Variants in C2orf68 observed in about 807,000 individuals in gnomAD.
C2orf68 encodes UPF0561 protein C2orf68.
In C2orf68, 15 loss-of-function variants were observed where a neutral mutation model predicts 19.1. The observed-to-expected ratio is 0.79, with a 90% CI of 0.53 to 1.21. The LOEUF is 1.21. C2orf68 is among the 50% of genes most tolerant of loss of function. C2orf68 has a pLI of 0.00. For missense variants in C2orf68, 242 were observed against 226.6 expected (o/e 1.07, Z -0.44); for synonymous variants, 98 against 91.0 (o/e 1.08, Z -0.44).
chr2:85,609,917 G>A (rs1026567985), intron 2 of C2orf68, among the ~76,000 whole-genome samples: 7 of 152,018 alleles, frequency 4.6e-5, no homozygotes, highest in African/African-American at 1.5e-4. Flanking sequence ...CTGACCTCAG[G>A]TGATCCACCC....
Position 85,611,778 on chromosome 2 carries a change from T to C in C2orf68, c.116A>G (p.Tyr39Cys), listed in dbSNP as rs771022747. Reference protein sequence around the residue: ...IRRNQIARDDYDKKVKQAAKE... With the variant: ...IRRNQIARDDCDKKVKQAAKE... Reference sequence around the variant, plus strand: ...GGCCGCCTGCTTCACCTTCTTGTCATAGTCGTCCCTGCGGGGAGCCGAGCG... The same window carrying C: ...GGCCGCCTGCTTCACCTTCTTGTCACAGTCGTCCCTGCGGGGAGCCGAGCG... The change falls in exon 2 of 4, where the codon TAT (tyrosine) becomes TGT (cysteine). Residue 39 changes from tyrosine to cysteine, a missense_variant. Physicochemically the swap from Tyr to Cys is radical, Grantham distance 194. Transcript: ENST00000306336. 4 of 1,611,820 alleles carry C rather than the reference T, an allele frequency of 2.5e-6. No homozygotes were observed. The highest frequency in any genetic ancestry group is 3.4e-6 in the Non-Finnish European group (4 of 1,179,494).
In C2orf68 at chr2:85,606,512, T is replaced by A. The variant is rs1182557338; in HGVS notation, c.*2433A>T. The A allele has an allele frequency of 1.3e-5, 2 of 152,224 alleles. No homozygotes were observed. The highest frequency in any genetic ancestry group is 2.4e-5 in the African/African-American group (1 of 41,444). The allele number at this position is 152,224 out of a possible 1,614,324, so 9.4% of individuals were successfully genotyped here. On this transcript the variant is annotated 3_prime_UTR_variant, in exon 4 of 4. Transcript: ENST00000306336. ...TCCTTGGGCAGGCATTTCAGACACATCTGTAGAGAGGGCAGTAGCATCTCC... is the reference window on the plus strand; with the variant it reads ...TCCTTGGGCAGGCATTTCAGACACAACTGTAGAGAGGGCAGTAGCATCTCC...
chr2:85,607,289 G>A lies in C2orf68; in HGVS notation c.*1656C>T, dbSNP rs565607610. 1.3e-5 allele frequency: 2 copies of A among 152,362 alleles called. No individual in the cohort carries two copies. The highest frequency in any genetic ancestry group is 1.9e-4 in the East Asian group (1 of 5,188). 9.4% of individuals were successfully genotyped at this position (152,362 alleles called of 1,614,324 possible). Reference sequence around the variant, plus strand: ...GACTGACTGGTTCTCTGACCAGGAAGAACAGGGGTGGAGTTTGGGAGAGCC... The same window carrying A: ...GACTGACTGGTTCTCTGACCAGGAAAAACAGGGGTGGAGTTTGGGAGAGCC... On this transcript the variant is annotated 3_prime_UTR_variant, in exon 4 of 4. Coordinates refer to ENST00000306336, the MANE Select transcript of C2orf68 (RefSeq NM_001013649.4).
In C2orf68 at chr2:85,607,415, A is replaced by C. The variant is rs1673256785; in HGVS notation, c.*1530T>G. ...GAGGACAAAGACTTTCTCCTTTCAA[A>C]GGAGAACTGAGCCCAGGATTGGTAA... On this transcript the variant is annotated 3_prime_UTR_variant, in exon 4 of 4. Transcript: ENST00000306336. 1 of 152,166 alleles carries C rather than the reference A, an allele frequency of 6.6e-6. No individual in the cohort carries two copies. Among genetic ancestry groups the C allele is most frequent in the Non-Finnish European group, 1.5e-5 (1 of 68,034 alleles). 9.4% of individuals were successfully genotyped at this position (152,166 alleles called of 1,614,324 possible).
At chr2:85,609,306 A>G in intron 3 of C2orf68, 129 bp downstream of exon 3, 3 of 1,364,200 alleles carry the variant, frequency 2.2e-6, no homozygotes, top group Non-Finnish European at 3.0e-6. Context: ...ACTGCCCGGC[A>G]GGCCTAGACT....
Position 85,608,753 on chromosome 2 carries a change from C to T in C2orf68, c.*192G>A. ...AAGAATTCCAGAATATCAGGCTGGG[C>T]AAATGGGTCAACATATAAGAAAGAA... On this transcript the variant is annotated 3_prime_UTR_variant, in exon 4 of 4. Coordinates refer to ENST00000306336, the MANE Select transcript of C2orf68 (RefSeq NM_001013649.4). The T allele has an allele frequency of 3.4e-6, 1 of 289,878 alleles. No homozygotes were observed. The highest frequency in any genetic ancestry group is 6.1e-6 in the Non-Finnish European group (1 of 164,906). The allele number at this position is 289,878 out of a possible 1,614,324, so 18.0% of individuals were successfully genotyped here.
At chr2:85,610,396 C>T (rs1673433213) in intron 2 of C2orf68, 1 of 152,192 alleles carries the variant, frequency 6.6e-6, no homozygotes, top group African/African-American at 2.4e-5. Flanking sequence ...AATCCTGTCA[C>T]ACAGTAGGTA....
At position 85,611,293 on chromosome 2, in the gene C2orf68, G is replaced by A. The variant is rs557305561; in HGVS notation, c.226+375C>T. ...TAACCAGTGTGATCTCTAGGTAGCA[G>A]AGAAGCTGGGGAAAGGCCATTTACT... is the stretch of plus-strand genomic sequence containing the variant. On this transcript the variant is annotated intron_variant, in intron 2 of 3. Transcript: ENST00000306336. 1,698 of 1,420,150 alleles carry A rather than the reference G, an allele frequency of 1.2e-3. 2 individuals are homozygous for A. The highest frequency in any genetic ancestry group is 1.5e-3 in the Non-Finnish European group (1,629 of 1,093,982). The allele number at this position is 1,420,150 out of a possible 1,614,324, so 88.0% of individuals were successfully genotyped here.
intron 2 of C2orf68, chr2:85,610,576 G>A (rs1404949898): frequency 6.6e-6 from 1 of 152,016 alleles, no homozygotes; most frequent in Non-Finnish European, 1.5e-5. Flanking sequence ...TTTCTTATGA[G>A]GTTGTATAAA....
intron 2 of C2orf68, 79 bp from the exon 3 acceptor site, chr2:85,609,665 T>C (rs947552956): frequency 7.4e-5 from 114 of 1,549,614 alleles, no homozygotes; most frequent in Non-Finnish European, 9.1e-5. Flanking sequence ...TGCAGGAAAA[T>C]ATACGGTTAG....
chr2:85,611,612 G>A (rs1057965), intron 2 of C2orf68, 56 bp downstream of exon 2: 3 of 1,557,894 alleles, frequency 1.9e-6, no homozygotes, highest in Non-Finnish European at 2.6e-6. Flanking sequence ...TAGAGAAGGG[G>A]AGTGCGTTGC....
chr2:85,611,888 G>C lies in C2orf68; in HGVS notation c.97C>G (p.Gln33Glu). The change falls in exon 1 of 4, where the codon CAG (glutamine) becomes GAG (glutamate). Residue 33 changes from glutamine to glutamate, a missense_variant. By Grantham distance (29) the Gln-to-Glu change is conservative. Transcript: ENST00000306336. ...AGGGCGGGGCGGTACCGAGCGATCT[G>C]GTTCCGTCGGATATGGTGCACGAAG... is the stretch of plus-strand genomic sequence containing the variant. Reference protein sequence around the residue: ...HGFVHHIRRNQIARDDYDKKV... With the variant: ...HGFVHHIRRNEIARDDYDKKV... The C allele has an allele frequency of 6.3e-7, 1 of 1,596,714 alleles. No individual in the cohort carries two copies. Among genetic ancestry groups the C allele is most frequent in the Non-Finnish European group, 8.5e-7 (1 of 1,176,942 alleles).
intron 3 of C2orf68, 70 bp from the exon 4 acceptor site, chr2:85,609,137 A>C: frequency 6.3e-7 from 1 of 1,580,834 alleles, no homozygotes; most frequent in South Asian, 1.1e-5. Context: ...CCTGTCCCTA[A>C]ACACTCTCAC....
Position 85,609,020 on chromosome 2 carries a change from A to G in C2orf68, c.426T>C (p.Pro142=). 6.2e-7 allele frequency: 1 copy of G among 1,614,244 alleles called. No homozygotes were observed. The highest frequency in any genetic ancestry group is 8.5e-7 in the Non-Finnish European group (1 of 1,180,046). ...GGGCTTCTCGCATGGGTGGATCCAG[A>G]GGCGTGTGTGCCGACACCTTCTCAC... ...KVSEKVSAHT[P]LDPPMREALK... Residue 142 remains proline, a synonymous_variant, in exon 4 of 4, where the codon CCT becomes CCC. Coordinates refer to ENST00000306336, the MANE Select transcript of C2orf68 (RefSeq NM_001013649.4).
At chr2:85,609,182 C>A in intron 3 of C2orf68, 115 bp from the exon 4 acceptor site, 5 of 1,412,222 alleles carry the variant, frequency 3.5e-6, no homozygotes, top group Non-Finnish European at 4.8e-6. Flanking sequence ...TTTGCCAGCA[C>A]CTGTCATTTC....
In C2orf68 at chr2:85,608,746, G is replaced by A. The variant is rs1673314858; in HGVS notation, c.*199C>T. The A allele has an allele frequency of 5.3e-6, 2 of 377,698 alleles. No individual in the cohort carries two copies. The highest frequency in any genetic ancestry group is 2.1e-5 in the African/African-American group (1 of 46,796). The allele number at this position is 377,698 out of a possible 1,614,324, so 23.4% of individuals were successfully genotyped here. ...AAAAAAAAAGAATTCCAGAATATCA[G>A]GCTGGGCAAATGGGTCAACATATAA... On this transcript the variant is annotated 3_prime_UTR_variant, in exon 4 of 4. Coordinates refer to ENST00000306336, the MANE Select transcript of C2orf68 (RefSeq NM_001013649.4).
At chr2:85,611,627 A>C (rs780178936) in intron 2 of C2orf68, 41 bp downstream of exon 2, 1 of 1,562,584 alleles carries the variant, frequency 6.4e-7, no homozygotes, top group South Asian at 1.2e-5. Context: ...CGTTGCAGGA[A>C]GAGCGCGCGG....
rs752611997 is a variant in C2orf68 at position 85,608,923 on chromosome 2, G to A, written c.*22C>T. ...CTTCCGAGTGCAGTGAATCCAGCCT[G>A]GAGAGAACGCCTTCAACATGGTCAG... is the stretch of plus-strand genomic sequence containing the variant. On this transcript the variant is annotated 3_prime_UTR_variant, in exon 4 of 4. Transcript: ENST00000306336. The A allele has an allele frequency of 1.6e-5, 26 of 1,613,578 alleles. No homozygotes were observed. Among genetic ancestry groups the A allele is most frequent in the African/African-American group, 5.3e-5 (4 of 74,906 alleles).
chr2:85,610,013 G>GTTT (rs552989319), intron 2 of C2orf68, among the ~76,000 whole-genome samples: 72 of 125,148 alleles, frequency 5.8e-4, no homozygotes, highest in African/African-American at 2.2e-3. Flanking sequence ...AGTGTAAGTG[G>GTTT]TTTTTTTTTT....
Sources: gnomAD v4.1 joint callset for allele counts (sites outside exome capture counted in the v4.1 genomes callset) on GRCh38, gnomAD v4.1.1 for gene constraint, MANE v1.5 for transcripts, NCBI Gene and HGNC (gene_info 2026-07-23, HGNC 2026-07-21) for gene names.